The following AFF1 variants were observed in gnomAD, a reference collection of about 807,000 sequenced individuals.
AFF1 encodes ALF transcription elongation factor 1.
In AFF1, 48 loss-of-function variants were observed where a neutral mutation model predicts 121.7. That is an observed-to-expected ratio of 0.39 (90% CI 0.31 to 0.50). The LOEUF (loss-of-function observed/expected upper bound fraction) is 0.50. AFF1 is among the 20% of genes least tolerant of loss of function. The pLI, the probability that AFF1 is intolerant of heterozygous loss-of-function variation, is 0.76. For synonymous variants in AFF1, 613 were observed against 563.0 expected (o/e 1.09, Z -1.26); for missense variants, 1,523 against 1,511.7 (o/e 1.01, Z -0.12).
At chr4:86,990,051 A>G (rs928845939) in intron 2 of AFF1, among the ~76,000 whole-genome samples, 1 of 152,148 alleles carries the variant, frequency 6.6e-6, no homozygotes, top group African/African-American at 2.4e-5. Flanking sequence ...GGGGAGGGAT[A>G]GCATTAGGAG....
At chr4:87,079,959 G>T (rs1019831334) in intron 4 of AFF1, among the ~76,000 whole-genome samples, 1 of 152,124 alleles carries the variant, frequency 6.6e-6, no homozygotes, top group African/African-American at 2.4e-5. Context: ...TACAATTGAT[G>T]GTACCAAATT....
intron 16 of AFF1, among the ~76,000 whole-genome samples, chr4:87,129,980 C>T (rs1434767702): frequency 1.4e-5 from 2 of 144,644 alleles, no homozygotes; most frequent in East Asian, 2.0e-4. Context: ...TTTTCTTTTT[C>T]TTTTTTTTTT....
intron 2 of AFF1, among the ~76,000 whole-genome samples, chr4:86,998,975 AG>A (rs1392801316): frequency 1.3e-5 from 2 of 152,222 alleles, no homozygotes. Flanking sequence ...ATTAGGGGCC[AG>A]GAGGAATGGA....
chr4:87,013,252 AT>A (rs1265510220), intron 2 of AFF1, among the ~76,000 whole-genome samples: 2 of 151,578 alleles, frequency 1.3e-5, no homozygotes, highest in African/African-American at 4.9e-5. Context: ...GTTGGTCAGG[AT>A]GGTCTCGAAC....
chr4:87,010,935 C>T (rs1316955193), intron 2 of AFF1, among the ~76,000 whole-genome samples: 1 of 152,068 alleles, frequency 6.6e-6, no homozygotes, highest in Non-Finnish European at 1.5e-5. Flanking sequence ...AAAAATCAGC[C>T]GGGTGCGGTG....
chr4:86,972,098 G>A (rs1400371607), intron 2 of AFF1, among the ~76,000 whole-genome samples: 2 of 133,190 alleles, frequency 1.5e-5, no homozygotes, highest in African/African-American at 2.9e-5. Flanking sequence ...TGATTGCATG[G>A]CACTCTAACC....
chr4:87,140,450 CTTTT>C lies in AFF1; in HGVS notation c.*4754_*4757del, dbSNP rs1185755557. On this transcript the variant is annotated 3_prime_UTR_variant, in exon 21 of 21. Transcript: ENST00000395146. ...TTGGATGATACCTGAGCAGGGTTGCCTTTTTTTTATTTATTACCATTATATATTA... is the reference window on the plus strand; with the variant it reads ...TTGGATGATACCTGAGCAGGGTTGCCTTTTATTTATTACCATTATATATTA... 1.7e-5 allele frequency: 3 copies of C among 173,432 alleles called. No homozygotes were observed. Among genetic ancestry groups the C allele is most frequent in the African/African-American group, 2.5e-5 (1 of 40,258 alleles). The allele number at this position is 173,432 out of a possible 1,614,324, so 10.7% of individuals were successfully genotyped here.
At chr4:86,960,328 G>GT (rs1402759175) in intron 2 of AFF1, among the ~76,000 whole-genome samples, 1 of 152,182 alleles carries the variant, frequency 6.6e-6, no homozygotes, top group Non-Finnish European at 1.5e-5. Flanking sequence ...TTGAAGTGCA[G>GT]TGGGTTCCGC....
rs1213679152 is a variant in AFF1 at position 87,135,819 on chromosome 4, A to G, written c.*118A>G. On this transcript the variant is annotated 3_prime_UTR_variant, in exon 21 of 21. Coordinates refer to ENST00000395146, the MANE Select transcript of AFF1 (RefSeq NM_001166693.3). The stretch of plus-strand genomic sequence containing the variant: ...AACTCTAAAAAAGAAGCACCACGAG[A>G]TGGCCAGGACATTTGTCCACTTAAA... 9 of 1,370,766 alleles carry G rather than the reference A, an allele frequency of 6.6e-6. No homozygotes were observed. Among genetic ancestry groups the G allele is most frequent in the Non-Finnish European group, 8.7e-6 (9 of 1,039,146 alleles). 84.9% of individuals were successfully genotyped at this position (1,370,766 alleles called of 1,614,324 possible). A position where few individuals can be genotyped will look rare whatever the true frequency, so the allele number is the denominator to read the frequency against.
chr4:87,042,384 G>A (rs2149604796), intron 2 of AFF1, among the ~76,000 whole-genome samples: 2 of 152,270 alleles, frequency 1.3e-5, no homozygotes, highest in African/African-American at 4.8e-5. Flanking sequence ...CCAGAGCAGG[G>A]GCTCAAAGCC....
intron 2 of AFF1, among the ~76,000 whole-genome samples, chr4:86,955,230 G>A (rs1000705282): frequency 1.3e-5 from 2 of 152,164 alleles, no homozygotes; most frequent in Non-Finnish European, 2.9e-5. Context: ...GATTGAGAAG[G>A]AAAATCGTGT....
chr4:86,969,170 T>A (rs1472844231), intron 2 of AFF1, among the ~76,000 whole-genome samples: 1 of 152,112 alleles, frequency 6.6e-6, no homozygotes, highest in African/African-American at 2.4e-5. Context: ...TTGAGACTTT[T>A]TTTCTTTTCA....
intron 4 of AFF1, among the ~76,000 whole-genome samples, chr4:87,058,066 CTTATTTGTTTCTCT>C (rs936475918): frequency 1.3e-5 from 2 of 152,150 alleles, no homozygotes; most frequent in African/African-American, 4.8e-5. Flanking sequence ...TTCCAAAGCA[CTTATTTGTTTCTCT>C]CTTGATTATC....
chr4:87,014,140 A>G (rs770921902), intron 2 of AFF1, among the ~76,000 whole-genome samples: 1 of 152,190 alleles, frequency 6.6e-6, no homozygotes, highest in East Asian at 1.9e-4. Context: ...AAAAAAATTA[A>G]AAGATACCAA....
At position 87,130,153 on chromosome 4, in the gene AFF1, A is replaced by G. The variant is rs188065892; in HGVS notation, c.2965-930A>G. ...ACACCTGGCTAATTTTTATATTTTC[A>G]GTAGAGATGGGATTTTGCCGTGTTG... On this transcript the variant is annotated intron_variant, in intron 16 of 20. Transcript: ENST00000395146. Among the ~76,000 whole-genome samples, 61 of 151,504 alleles carry G rather than the reference A, an allele frequency of 4.0e-4. No individual in the cohort carries two copies. In the East Asian group the frequency reaches 9.7e-3, roughly 24 times the overall value.
At chr4:87,097,886 CTT>C (rs1378092687) in intron 8 of AFF1, among the ~76,000 whole-genome samples, 1 of 152,166 alleles carries the variant, frequency 6.6e-6, no homozygotes, top group Admixed American at 6.5e-5. Context: ...TGGCAAATCT[CTT>C]AGTGCTCGCG....
At chr4:86,953,634 A>G (rs76475796) in intron 2 of AFF1, among the ~76,000 whole-genome samples, 9 of 152,278 alleles carry the variant, frequency 5.9e-5, no homozygotes, top group Middle Eastern at 3.4e-3. Flanking sequence ...CCCCCTTTTT[A>G]ATAGTTCTTT....
Position 87,047,290 on chromosome 4 carries a change from C to T in AFF1, c.755C>T (p.Ser252Phe). Residue 252 changes from serine to phenylalanine, a missense_variant, in exon 4 of 21, where the codon TCT (serine) becomes TTT (phenylalanine). Physicochemically the swap from Ser to Phe is radical, Grantham distance 155. Transcript: ENST00000395146. ...AGTAAAGGCTATTGCCCAGCCAAAT[C>T]TCCCAAGGACCTAGCAGTGAAAGTC... Reference protein sequence around the residue: ...NNSKGYCPAKSPKDLAVKVHD... With the variant: ...NNSKGYCPAKFPKDLAVKVHD... 1 of 1,614,212 alleles carries T rather than the reference C, an allele frequency of 6.2e-7. No homozygotes were observed. The highest frequency in any genetic ancestry group is 1.1e-5 in the South Asian group (1 of 91,084).
chr4:86,972,851 A>G (rs1237923516), intron 2 of AFF1, among the ~76,000 whole-genome samples: 1 of 152,174 alleles, frequency 6.6e-6, no homozygotes, highest in Admixed American at 6.5e-5. Flanking sequence ...AATATTATTT[A>G]GATTTATTCC....
Sources: allele counts gnomAD v4.1 joint callset (sites outside exome capture counted in the v4.1 genomes callset), GRCh38; gene constraint gnomAD v4.1.1; transcripts MANE v1.5; gene names NCBI Gene and HGNC (gene_info 2026-07-23, HGNC 2026-07-21).